Variants in KCNMA1 observed in about 807,000 individuals in gnomAD.
KCNMA1 encodes Calcium-activated potassium channel subunit alpha-1.
A neutral mutation model predicts 140.0 loss-of-function variants in KCNMA1; 29 were observed. That is an observed-to-expected ratio of 0.21 (90% CI 0.15 to 0.28). KCNMA1 has a LOEUF of 0.28. Ranked by LOEUF, KCNMA1 falls within the 10% of genes least tolerant of loss-of-function variation. The probability of loss-of-function intolerance (pLI) is 1.00; values close to 1 mark genes in which losing one functional copy is unlikely to be tolerated. For missense variants in KCNMA1, 880 were observed against 1,602.2 expected (o/e 0.55, Z 7.70); for synonymous variants, 612 against 611.9 (o/e 1.00, Z 0.00).
At chr10:77,253,673 C>T (rs10824505) in intron 2 of KCNMA1, among the ~76,000 whole-genome samples, 2 of 152,020 alleles carry the variant, frequency 1.3e-5, no homozygotes, top group African/African-American at 4.8e-5. Flanking sequence ...CTCCACAGCT[C>T]CCTGGCCCTG....
intron 1 of KCNMA1, among the ~76,000 whole-genome samples, chr10:77,476,349 C>T (rs569293726): frequency 1.3e-5 from 2 of 152,232 alleles, no homozygotes; most frequent in East Asian, 3.9e-4. Context: ...CTCCTGATGG[C>T]CCTAAATCCA....
At chr10:77,450,307 C>T (rs112302377) in intron 1 of KCNMA1, among the ~76,000 whole-genome samples, 8,397 of 152,196 alleles carry the variant, frequency 0.055, 270 homozygotes, top group Non-Finnish European at 0.07. Flanking sequence ...CCACCTGCCT[C>T]GGCCTCCCAA....
rs113369652 is a variant in KCNMA1, at chr10:77,199,833, G to C, written c.603-14917C>G. 4.7e-4 allele frequency among the ~76,000 whole-genome samples: 72 copies of C among 152,308 alleles called. 1 individual carries two copies. The highest frequency in any genetic ancestry group is 1.6e-3 in the African/African-American group (66 of 41,566). ...GTATAGAGCCTAAGTAGATTGTAAG[G>C]TTGGCAAGAAACAAGGCCAGACAGG... is the stretch of plus-strand genomic sequence containing the variant. On this transcript the variant is annotated intron_variant, in intron 3 of 27. Coordinates refer to ENST00000286628, the MANE Select transcript of KCNMA1 (RefSeq NM_001161352.2).
At chr10:77,031,808 T>C (rs560266743) in intron 15 of KCNMA1, among the ~76,000 whole-genome samples, 1 of 152,228 alleles carries the variant, frequency 6.6e-6, no homozygotes, top group Non-Finnish European at 1.5e-5. Context: ...ACAGGATGCA[T>C]GCTTTGCCTC....
chr10:77,425,878 T>C (rs1211153403), intron 1 of KCNMA1, among the ~76,000 whole-genome samples: 1 of 152,138 alleles, frequency 6.6e-6, no homozygotes, highest in Non-Finnish European at 1.5e-5. Flanking sequence ...TTCATCGCGG[T>C]GCTTTCTGTC....
At chr10:77,234,957 A>C (rs1565396930) in intron 3 of KCNMA1, among the ~76,000 whole-genome samples, 1 of 152,222 alleles carries the variant, frequency 6.6e-6, no homozygotes, top group Non-Finnish European at 1.5e-5. Context: ...CGCAGAGTTC[A>C]GCAGAGATTT....
At chr10:76,881,625 C>A (rs2034698786), downstream of KCNMA1, among the ~76,000 whole-genome samples, 1 of 152,102 alleles carries the variant, frequency 6.6e-6, no homozygotes, top group South Asian at 2.1e-4. Context: ...GAAGCGTTAG[C>A]TTTTAGAGTA....
chr10:77,135,812 G>A (rs961966294), intron 5 of KCNMA1, among the ~76,000 whole-genome samples: 1 of 152,154 alleles, frequency 6.6e-6, no homozygotes. Context: ...GGCGGTTGGA[G>A]GGAAGGGTGG....
At position 77,608,225 on chromosome 10, in the gene KCNMA1, T is replaced by C. The variant is rs111539743; in HGVS notation, c.378+29040A>G. On this transcript the variant is annotated intron_variant, in intron 1 of 27. Coordinates refer to ENST00000286628, the MANE Select transcript of KCNMA1 (RefSeq NM_001161352.2). The stretch of plus-strand genomic sequence containing the variant: ...TCTCACTCTGTTGCCCAGGTAGGAG[T>C]GCAATGATACAATCTTGGTTCACTG... Among the ~76,000 whole-genome samples, 984 of 152,108 alleles carry C rather than the reference T, an allele frequency of 6.5e-3. 8 individuals are homozygous for C. Among genetic ancestry groups the C allele is most frequent in the Non-Finnish European group, 8.5e-3 (581 of 68,004 alleles).
chr10:77,184,211 T>C (rs2098827657), intron 4 of KCNMA1, among the ~76,000 whole-genome samples: 1 of 152,032 alleles, frequency 6.6e-6, no homozygotes, highest in African/African-American at 2.4e-5. Flanking sequence ...TTTATTTCTA[T>C]TTACTTTTGT....
intron 11 of KCNMA1, 45 bp downstream of exon 11, chr10:77,086,443 C>A: frequency 7.0e-7 from 1 of 1,437,860 alleles, no homozygotes. Context: ...CCCCCAGACC[C>A]ACACCAAGAT....
chr10:77,537,672 AT>A (rs2059212275), intron 1 of KCNMA1, among the ~76,000 whole-genome samples: 3 of 152,158 alleles, frequency 2.0e-5, no homozygotes, highest in African/African-American at 4.8e-5. Flanking sequence ...AGAAAAAAAA[AT>A]TTTAAAGAAT....
At position 76,885,110 on chromosome 10, in the gene KCNMA1, TATA is replaced by T; in HGVS notation, c.*2153_*2155del. ...ACTTTAACTGGCACATTCTTATAGT[TATA>T]AATGTTCTGAGGGCGTAACTTTATA... On this transcript the variant is annotated 3_prime_UTR_variant, in exon 28 of 28. Coordinates refer to ENST00000286628, the MANE Select transcript of KCNMA1 (RefSeq NM_001161352.2). The T allele has an allele frequency of 6.6e-7, 1 of 1,510,154 alleles. No homozygotes were observed. The highest frequency in any genetic ancestry group is 8.9e-7 in the Non-Finnish European group (1 of 1,128,414). 93.5% of individuals were successfully genotyped at this position (1,510,154 alleles called of 1,614,324 possible).
chr10:77,413,964 T>C (rs888701936), intron 1 of KCNMA1, among the ~76,000 whole-genome samples: 5 of 152,196 alleles, frequency 3.3e-5, no homozygotes, highest in African/African-American at 1.2e-4. Context: ...GCTCCACCAT[T>C]GAGGCATTTT....
chr10:77,138,116 C>T (rs2098087207), intron 5 of KCNMA1, among the ~76,000 whole-genome samples: 1 of 152,176 alleles, frequency 6.6e-6, no homozygotes, highest in East Asian at 1.9e-4. Flanking sequence ...CTGCTTCCAC[C>T]ACCCCTTGTG....
intron 29 of KCNMA1, chr10:76,877,974 A>C: frequency 7.2e-7 from 1 of 1,394,044 alleles, no homozygotes; most frequent in Non-Finnish European, 1.0e-6. Context: ...TGGAAAGTTC[A>C]TTGAAAAACG....
intron 19 of KCNMA1, among the ~76,000 whole-genome samples, chr10:76,981,439 G>A (rs575222290): frequency 6.6e-6 from 1 of 152,346 alleles, no homozygotes; most frequent in East Asian, 1.9e-4. Context: ...TGGGGACAGA[G>A]GAACCCCACT....
At chr10:77,104,911 C>T (rs147986509) in intron 9 of KCNMA1, among the ~76,000 whole-genome samples, 131 of 152,266 alleles carry the variant, frequency 8.6e-4, no homozygotes, top group Non-Finnish European at 1.2e-3. Context: ...GCAGCTTTGA[C>T]CTTACACAAA....
chr10:77,448,960 G>A (rs1413097283), intron 1 of KCNMA1, among the ~76,000 whole-genome samples: 2 of 151,994 alleles, frequency 1.3e-5, no homozygotes, highest in East Asian at 3.9e-4. Flanking sequence ...AGTGGTGCAT[G>A]CCTGTAATCC....
Sources: gnomAD v4.1 joint callset for allele counts (sites outside exome capture counted in the v4.1 genomes callset) on GRCh38, gnomAD v4.1.1 for gene constraint, MANE v1.5 for transcripts, NCBI Gene and HGNC (gene_info 2026-07-23, HGNC 2026-07-21) for gene names.